The following TAFA2 variants were observed in gnomAD, a reference collection of about 807,000 sequenced individuals.
The protein encoded by TAFA2 is TAFA chemokine like family member 2.
In TAFA2, 7 loss-of-function variants were observed where a neutral mutation model predicts 18.8. The ratio of observed to expected loss-of-function variants is 0.37; its 90% CI spans 0.21 to 0.70. The LOEUF (loss-of-function observed/expected upper bound fraction) is 0.70. TAFA2 is among the 30% of genes least tolerant of loss of function. The probability of loss-of-function intolerance (pLI) is 0.53; values close to 1 mark genes in which losing one functional copy is unlikely to be tolerated. For missense variants in TAFA2, 122 were observed against 158.1 expected, an observed-to-expected ratio of 0.77 and a Z score of 1.23; for synonymous variants, 60 against 54.2, an observed-to-expected ratio of 1.11 and a Z score of -0.47.
chr12:62,237,175 A>G (rs2062841553), intron 1 of TAFA2, among the ~76,000 whole-genome samples: 1 of 152,090 alleles, frequency 6.6e-6, no homozygotes, highest in Non-Finnish European at 1.5e-5. Context: ...GCATATTCTA[A>G]TAGCCTGTCT....
chr12:61,938,981 C>T (rs71465118), intron 1 of TAFA2, among the ~76,000 whole-genome samples: 2,658 of 151,846 alleles, frequency 0.018, 31 homozygotes, highest in Non-Finnish European at 0.026. Flanking sequence ...ACTCAGGTGG[C>T]GGGTGCACCA....
chr12:61,876,080 T>A (rs1440707302), intron 1 of TAFA2, among the ~76,000 whole-genome samples: 1 of 152,204 alleles, frequency 6.6e-6, no homozygotes, highest in Non-Finnish European at 1.5e-5. Flanking sequence ...ATAATATTCA[T>A]AATAAAACAT....
intron 4 of TAFA2, among the ~76,000 whole-genome samples, chr12:61,718,142 C>T (rs531866425): frequency 1.3e-5 from 2 of 152,278 alleles, no homozygotes; most frequent in East Asian, 3.9e-4. Flanking sequence ...GCTTCCTATG[C>T]TGTGCAAATG....
chr12:62,078,490 A>G (rs1565737246), intron 1 of TAFA2, among the ~76,000 whole-genome samples: 1 of 151,750 alleles, frequency 6.6e-6, no homozygotes, highest in Non-Finnish European at 1.5e-5. Context: ...CCTTTCACTG[A>G]TTTTTTTCCT....
intron 1 of TAFA2, among the ~76,000 whole-genome samples, chr12:61,969,497 G>A (rs192447284): frequency 2.6e-5 from 4 of 151,634 alleles, no homozygotes; most frequent in Admixed American, 6.6e-5. Flanking sequence ...ACAGGACTTC[G>A]TCTGAGTGCC....
chr12:61,717,333 G>A (rs1869705811), intron 4 of TAFA2, among the ~76,000 whole-genome samples: 1 of 152,156 alleles, frequency 6.6e-6, no homozygotes, highest in South Asian at 2.1e-4. Context: ...GTAAGGTAAG[G>A]CACTATAAGA....
At chr12:61,712,176 T>G (rs1025672566) in intron 4 of TAFA2, among the ~76,000 whole-genome samples, 1 of 152,074 alleles carries the variant, frequency 6.6e-6, no homozygotes. Context: ...ATGGCGGAAA[T>G]GAACTGCATA....
chr12:61,855,550 A>G (rs978587302), intron 2 of TAFA2, among the ~76,000 whole-genome samples: 1 of 152,172 alleles, frequency 6.6e-6, no homozygotes, highest in Admixed American at 6.5e-5. Context: ...TATGCTCTTT[A>G]TTTAACATGT....
intron 2 of TAFA2, among the ~76,000 whole-genome samples, chr12:61,794,903 A>T (rs10877745): frequency 0.5 from 75,355 of 151,934 alleles, 18,813 homozygotes; most frequent in Admixed American, 0.56. Flanking sequence ...AACAACCCCA[A>T]TAAAAAGTGG....
At chr12:61,895,602 C>T (rs1411950603) in intron 1 of TAFA2, among the ~76,000 whole-genome samples, 1 of 152,172 alleles carries the variant, frequency 6.6e-6, no homozygotes, top group Non-Finnish European at 1.5e-5. Context: ...CCAAGAATAA[C>T]GTCCATGCTT....
At position 61,878,034 on chromosome 12, in the gene TAFA2, A is replaced by G. The variant is rs530837552; in HGVS notation, c.-1-10608T>C. 8.9e-4 allele frequency: 404 copies of G among 452,734 alleles called. 6 individuals carry two copies. The highest frequency in any genetic ancestry group is 6.2e-3 in the South Asian group (395 of 63,866). 28.0% of individuals were successfully genotyped at this position (452,734 alleles called of 1,614,324 possible). A position where few individuals can be genotyped will look rare whatever the true frequency, so the allele number is the denominator to read the frequency against. On this transcript the variant is annotated intron_variant, in intron 1 of 4. Transcript: ENST00000416284. ...TGAATTTGGAAACATGTTAAGTGAA[A>G]TAAGCCAGACACAAAAGTACAAATA... is the stretch of plus-strand genomic sequence containing the variant.
intron 2 of TAFA2, among the ~76,000 whole-genome samples, chr12:61,831,503 C>A (rs908923840): frequency 5.9e-5 from 9 of 152,056 alleles, no homozygotes; most frequent in African/African-American, 2.2e-4. Flanking sequence ...CAATTTTCTT[C>A]TCCTTTACCC....
intron 1 of TAFA2, among the ~76,000 whole-genome samples, chr12:62,134,816 T>A (rs1267663643): frequency 1.3e-5 from 2 of 151,988 alleles, no homozygotes; most frequent in African/African-American, 4.8e-5. Context: ...AATCTCTATA[T>A]TCTCTAGCTA....
Position 61,710,437 on chromosome 12 carries a change from TA to T in TAFA2, c.385-21del. The T allele has an allele frequency of 1.3e-6, 2 of 1,589,614 alleles. No individual in the cohort carries two copies. Among genetic ancestry groups the T allele is most frequent in the Non-Finnish European group, 1.7e-6 (2 of 1,158,424 alleles). ...GGTTACCTACAAAGGAAGGAGAAAATATAGTCAACATTTCATAACATACCGA... is the reference window on the plus strand; with the variant it reads ...GGTTACCTACAAAGGAAGGAGAAAATTAGTCAACATTTCATAACATACCGA... On this transcript the variant is annotated intron_variant, in intron 4 of 4. Transcript: ENST00000416284.
Position 61,923,003 on chromosome 12 carries a change from C to T in TAFA2, c.-1-55577G>A, listed in dbSNP as rs183185404. Among the ~76,000 whole-genome samples the T allele has an allele frequency of 2.0e-3, 303 of 152,258 alleles. 1 individual carries two copies. Among genetic ancestry groups the T allele is most frequent in the African/African-American group, 6.9e-3 (285 of 41,534 alleles). ...AGGAAGTTCAAACAGGGTGCAAAACCCACCATGCAGCAAAGCCACTGTAGC... is the reference window on the plus strand; with the variant it reads ...AGGAAGTTCAAACAGGGTGCAAAACTCACCATGCAGCAAAGCCACTGTAGC... On this transcript the variant is annotated intron_variant, in intron 1 of 4. Coordinates refer to ENST00000416284, the MANE Select transcript of TAFA2 (RefSeq NM_178539.5).
intron 2 of TAFA2, among the ~76,000 whole-genome samples, chr12:61,845,735 C>T (rs558725173): frequency 1.3e-5 from 2 of 152,170 alleles, no homozygotes; most frequent in South Asian, 4.2e-4. Context: ...TAATGTTCCC[C>T]AATGTGTCTA....
At chr12:61,771,749 T>G (rs371575659) in intron 2 of TAFA2, among the ~76,000 whole-genome samples, 1 of 151,866 alleles carries the variant, frequency 6.6e-6, no homozygotes, top group African/African-American at 2.4e-5. Context: ...GAAAAAAGTT[T>G]GTAGCATTGA....
At position 61,867,430 on chromosome 12, in the gene TAFA2, C is replaced by A. The variant is rs932789581; in HGVS notation, c.-1-4G>T. Reference sequence around the variant, plus strand: ...CTGTAAGTATCTCTTACTCATCCTGCAAATAAAAAAATAATAAAAATCATA... The same window carrying A: ...CTGTAAGTATCTCTTACTCATCCTGAAAATAAAAAAATAATAAAAATCATA... On this transcript the variant is annotated splice_polypyrimidine_tract_variant and splice_region_variant and intron_variant, in intron 1 of 4. Coordinates refer to ENST00000416284, the MANE Select transcript of TAFA2 (RefSeq NM_178539.5). 20 of 1,483,648 alleles carry A rather than the reference C, an allele frequency of 1.3e-5. No homozygotes were observed. The highest frequency in any genetic ancestry group is 1.8e-5 in the Admixed American group (1 of 55,936). The allele number at this position is 1,483,648 out of a possible 1,614,324, so 91.9% of individuals were successfully genotyped here.
chr12:62,203,850 G>C (rs2062681564), intron 1 of TAFA2, among the ~76,000 whole-genome samples: 1 of 152,126 alleles, frequency 6.6e-6, no homozygotes, highest in African/African-American at 2.4e-5. Context: ...GGTTAATGCT[G>C]TTTTATGTGA....
Sources: allele counts gnomAD v4.1 joint callset (sites outside exome capture counted in the v4.1 genomes callset), GRCh38; gene constraint gnomAD v4.1.1; transcripts MANE v1.5; gene names NCBI Gene and HGNC (gene_info 2026-07-23, HGNC 2026-07-21).